The following SMYD3 variants were observed in gnomAD, a reference collection of about 807,000 sequenced individuals.
The protein encoded by SMYD3 is SET and MYND domain containing 3.
In SMYD3, 36 loss-of-function variants were observed where a neutral mutation model predicts 57.7. That is an observed-to-expected ratio of 0.62 (90% confidence interval 0.48 to 0.82). The LOEUF (loss-of-function observed/expected upper bound fraction) is 0.82, where lower values mean the gene tolerates loss of function less well. Among genes scored for constraint, SMYD3 ranks in the 40% least tolerant of loss-of-function variants. The probability of loss-of-function intolerance (pLI) is 0.00; values close to 1 mark genes in which losing one functional copy is unlikely to be tolerated. For synonymous variants in SMYD3, 211 were observed against 195.0 expected (o/e 1.08, Z -0.68); for missense variants, 515 against 538.8 (o/e 0.96, Z 0.44).
rs562172110 is a variant in SMYD3, at chr1:245,817,286, C to G, written c.1076+41210G>C. ...TGGGAGGCACCCCCCAGCAGGGGCA[C>G]ACTGACACCTCACATGGCAGGGTAT... On this transcript the variant is annotated intron_variant, in intron 10 of 11. Coordinates refer to ENST00000490107, the MANE Select transcript of SMYD3 (RefSeq NM_001167740.2). Among the ~76,000 whole-genome samples the G allele has an allele frequency of 5.4e-3, 739 of 136,928 alleles. 26 individuals carry two copies. Among genetic ancestry groups the G allele is most frequent in the East Asian group, 9.5e-3 (46 of 4,830 alleles). The allele number at this position is 136,928 out of a possible 152,430, so 89.8% of individuals were successfully genotyped here. A position where few individuals can be genotyped will look rare whatever the true frequency, so the allele number is the denominator to read the frequency against.
chr1:246,160,982 A>G (rs2062109275), intron 5 of SMYD3, among the ~76,000 whole-genome samples: 2 of 152,212 alleles, frequency 1.3e-5, no homozygotes, highest in African/African-American at 2.4e-5. Context: ...TCTCGCCCTG[A>G]ACATTACCAA....
chr1:246,344,697 A>G (rs2153380), intron 2 of SMYD3, among the ~76,000 whole-genome samples: 29,662 of 152,204 alleles, frequency 0.19, 3,224 homozygotes, highest in East Asian at 0.43. Context: ...ACCACCAGTG[A>G]ACAAGAGTTC....
chr1:246,085,391 G>A (rs563238400), intron 5 of SMYD3, among the ~76,000 whole-genome samples: 1 of 151,232 alleles, frequency 6.6e-6, no homozygotes, highest in East Asian at 2.1e-4. Flanking sequence ...TTAAGCTGAA[G>A]GATTTGAGAA....
chr1:246,414,621 G>GCA lies in SMYD3; in HGVS notation c.165-59529_165-59528dup, dbSNP rs35633135. Among the ~76,000 whole-genome samples the GCA allele has an allele frequency of 2.5e-4, 37 of 150,702 alleles. No homozygotes were observed. In the Middle Eastern group the frequency reaches 0.01, roughly 42 times the overall value. ...TATATATATTCATATACACATAAATGCACACACACACACAAATACATATGT... is the reference window on the plus strand; with the variant it reads ...TATATATATTCATATACACATAAATGCACACACACACACACAAATACATATGT... On this transcript the variant is annotated intron_variant, in intron 1 of 11. Transcript: ENST00000490107.
intron 10 of SMYD3, among the ~76,000 whole-genome samples, chr1:245,791,488 C>T (rs906477733): frequency 2.6e-5 from 4 of 152,078 alleles, no homozygotes; most frequent in Admixed American, 2.0e-4. Context: ...GGTTTACGTG[C>T]TCACTGTCTG....
At chr1:246,186,975 G>A (rs932200675) in intron 5 of SMYD3, 6 of 965,580 alleles carry the variant, frequency 6.2e-6, no homozygotes, top group African/African-American at 3.5e-5. Flanking sequence ...GAGGAAACAC[G>A]AAAGAAGAAA....
At chr1:246,384,975 G>C (rs914799683) in intron 1 of SMYD3, among the ~76,000 whole-genome samples, 1 of 151,968 alleles carries the variant, frequency 6.6e-6, no homozygotes, top group Non-Finnish European at 1.5e-5. Context: ...ATAAATACCT[G>C]ACCAAATTTA....
At chr1:245,848,277 C>CTG (rs3086296) in intron 10 of SMYD3, among the ~76,000 whole-genome samples, 77,416 of 150,128 alleles carry the variant, frequency 0.52, 20,686 homozygotes, top group East Asian at 0.94. Context: ...TTATTTTTTT[C>CTG]TGTGTGTGTG....
At chr1:246,215,565 T>C (rs968441851) in intron 5 of SMYD3, among the ~76,000 whole-genome samples, 8 of 152,120 alleles carry the variant, frequency 5.3e-5, no homozygotes, top group Non-Finnish European at 1.2e-4. Flanking sequence ...AAGTTAGCTT[T>C]GCATTTAAGA....
At chr1:246,030,464 T>C (rs2148259960) in intron 5 of SMYD3, among the ~76,000 whole-genome samples, 1 of 152,280 alleles carries the variant, frequency 6.6e-6, no homozygotes, top group South Asian at 2.1e-4. Flanking sequence ...AAATTACAGT[T>C]ACATAGAGAG....
At chr1:245,850,893 A>G (rs1476507954) in intron 10 of SMYD3, among the ~76,000 whole-genome samples, 1 of 152,084 alleles carries the variant, frequency 6.6e-6, no homozygotes, top group African/African-American at 2.4e-5. Context: ...CAGTCACTCC[A>G]AGGCCTGAGC....
intron 1 of SMYD3, among the ~76,000 whole-genome samples, chr1:246,495,300 G>A (rs369389280): frequency 7.1e-5 from 9 of 126,142 alleles, no homozygotes; most frequent in African/African-American, 2.8e-4. Flanking sequence ...TGTGAGCCGA[G>A]ATCATGCCAC....
At chr1:246,042,051 T>G (rs928152291) in intron 5 of SMYD3, among the ~76,000 whole-genome samples, 1 of 152,228 alleles carries the variant, frequency 6.6e-6, no homozygotes, top group Non-Finnish European at 1.5e-5. Context: ...TTATGACTGA[T>G]AAGTCACATT....
intron 11 of SMYD3, among the ~76,000 whole-genome samples, chr1:245,757,022 C>T (rs2045635294): frequency 6.6e-6 from 1 of 152,060 alleles, no homozygotes; most frequent in African/African-American, 2.4e-5. Flanking sequence ...CTATTTTTAA[C>T]TCTTGAGTAG....
intron 5 of SMYD3, among the ~76,000 whole-genome samples, chr1:246,006,010 A>C (rs2059161486): frequency 7.5e-6 from 1 of 134,166 alleles, no homozygotes. Flanking sequence ...TATACTCCGA[A>C]GACAGCTAGA....
rs78461444 is a variant in SMYD3, at chr1:246,233,146, C to T, written c.531+94055G>A. ...GAACATATTCCACACAGAGGAGAAACGCTCCTTCAATTCACACTGTGATGA... is the reference window on the plus strand; with the variant it reads ...GAACATATTCCACACAGAGGAGAAATGCTCCTTCAATTCACACTGTGATGA... On this transcript the variant is annotated intron_variant, in intron 5 of 11. Transcript: ENST00000490107. Among the ~76,000 whole-genome samples the T allele has an allele frequency of 4.7e-5, 6 of 126,712 alleles. 1 individual carries two copies. The highest frequency in any genetic ancestry group is 8.5e-5 in the African/African-American group (3 of 35,418). 83.1% of individuals were successfully genotyped at this position (126,712 alleles called of 152,430 possible).
intron 8 of SMYD3, among the ~76,000 whole-genome samples, chr1:245,892,087 T>G (rs2053421902): frequency 6.6e-6 from 1 of 151,740 alleles, no homozygotes; most frequent in Non-Finnish European, 1.5e-5. Context: ...CAGTGACCAC[T>G]GGAACCAAAC....
At chr1:246,011,719 G>A (rs2059284553) in intron 5 of SMYD3, among the ~76,000 whole-genome samples, 1 of 152,146 alleles carries the variant, frequency 6.6e-6, no homozygotes, top group Non-Finnish European at 1.5e-5. Context: ...AATATGGGTG[G>A]AGGGGCACTG....
intron 10 of SMYD3, among the ~76,000 whole-genome samples, chr1:245,854,659 C>G (rs2051142963): frequency 6.6e-6 from 1 of 152,032 alleles, no homozygotes. Context: ...CCTTCCTTTT[C>G]TCTAATCCCC....
Sources: allele counts gnomAD v4.1 joint callset (sites outside exome capture counted in the v4.1 genomes callset), GRCh38; gene constraint gnomAD v4.1.1; transcripts MANE v1.5; gene names NCBI Gene and HGNC (gene_info 2026-07-23, HGNC 2026-07-21).